Variants in MTRF1 observed in about 807,000 individuals in gnomAD.
The protein encoded by MTRF1 is mitochondrial translation release factor 1, also known as peptide chain release factor 1, mitochondrial.
In MTRF1, 51 loss-of-function variants were observed where a neutral mutation model predicts 62.9. The observed-to-expected ratio is 0.81, with a 90% CI of 0.65 to 1.02. The LOEUF (loss-of-function observed/expected upper bound fraction) is 1.02, where lower values mean the gene tolerates loss of function less well. Among genes scored for constraint, MTRF1 ranks in the 50% least tolerant of loss-of-function variants. The probability of loss-of-function intolerance (pLI) is 0.00; values close to 1 mark genes in which losing one functional copy is unlikely to be tolerated. For synonymous variants in MTRF1, 158 were observed against 181.9 expected, an observed-to-expected ratio of 0.87 and a Z score of 1.06; for missense variants, 446 against 530.0, an observed-to-expected ratio of 0.84 and a Z score of 1.56.
the MTRF1 span, among the ~76,000 whole-genome samples, chr13:41,290,502 C>G: frequency 6.6e-6 from 1 of 151,582 alleles, no homozygotes; most frequent in Non-Finnish European, 1.5e-5. Context: ...CTAAGCGATT[C>G]TCCTGCCTCA....
the MTRF1 span, among the ~76,000 whole-genome samples, chr13:41,306,002 A>G: frequency 6.6e-6 from 1 of 152,276 alleles, no homozygotes; most frequent in South Asian, 2.1e-4. Context: ...CTGGGAGGAG[A>G]GTAACTGATG....
chr13:41,296,158 C>A, the MTRF1 span, among the ~76,000 whole-genome samples: 190 of 152,288 alleles, frequency 1.2e-3, no homozygotes, highest in Admixed American at 2.4e-3. Context: ...GTTGCCCAAT[C>A]TGGCCTTGAA....
the MTRF1 span, among the ~76,000 whole-genome samples, chr13:41,305,201 C>A: frequency 8.5e-5 from 13 of 152,290 alleles, no homozygotes; most frequent in South Asian, 2.7e-3. Context: ...GGACTACAGG[C>A]ATATGCCACT....
chr13:41,268,330 G>A (rs1490403725), upstream of MTRF1, among the ~76,000 whole-genome samples: 1 of 152,014 alleles, frequency 6.6e-6, no homozygotes, highest in Non-Finnish European at 1.5e-5. Context: ...TATCTTAAAG[G>A]ATTAATTAGA....
the MTRF1 span, among the ~76,000 whole-genome samples, chr13:41,273,122 C>T: frequency 1.2e-4 from 18 of 151,802 alleles, no homozygotes; most frequent in South Asian, 4.2e-4. Context: ...GTCAGGAGAT[C>T]GAGACCATCC....
chr13:41,247,273 C>A (rs538993081), intron 5 of MTRF1, among the ~76,000 whole-genome samples: 27 of 152,278 alleles, frequency 1.8e-4, no homozygotes, highest in African/African-American at 6.5e-4. Flanking sequence ...TAAACTGTGA[C>A]AAAGGGCTAG....
chr13:41,254,662 C>T (rs1379596853), intron 2 of MTRF1, 42 bp from the exon 3 acceptor site: 4 of 1,485,144 alleles, frequency 2.7e-6, no homozygotes, highest in Non-Finnish European at 3.7e-6. Context: ...TTTTTAAATA[C>T]TTACAGAGAA....
chr13:41,251,683 A>G (rs2039076770), intron 5 of MTRF1, among the ~76,000 whole-genome samples: 1 of 152,098 alleles, frequency 6.6e-6, no homozygotes, highest in Non-Finnish European at 1.5e-5. Context: ...ACTTACATGA[A>G]TCCTCTCTCC....
the MTRF1 span, among the ~76,000 whole-genome samples, chr13:41,268,736 A>G: frequency 2.0e-5 from 3 of 152,228 alleles, no homozygotes; most frequent in Non-Finnish European, 4.4e-5. Context: ...AGATGCAATA[A>G]AAGTTGAACT....
At chr13:41,251,825 T>C (rs1467464718) in intron 5 of MTRF1, among the ~76,000 whole-genome samples, 1 of 152,196 alleles carries the variant, frequency 6.6e-6, no homozygotes, top group Non-Finnish European at 1.5e-5. Context: ...ATTATCATGT[T>C]TTCAATCAAT....
chr13:41,295,918 T>G, the MTRF1 span, among the ~76,000 whole-genome samples: 2 of 151,224 alleles, frequency 1.3e-5, no homozygotes, highest in South Asian at 4.2e-4. Context: ...GGACTACTGA[T>G]GCATGCCAGA....
chr13:41,296,662 A>T, the MTRF1 span, among the ~76,000 whole-genome samples: 1 of 152,166 alleles, frequency 6.6e-6, no homozygotes, highest in Non-Finnish European at 1.5e-5. Context: ...ATTAATAAAA[A>T]TATAATATTT....
the MTRF1 span, among the ~76,000 whole-genome samples, chr13:41,304,493 A>G: frequency 6.6e-6 from 1 of 152,224 alleles, no homozygotes; most frequent in Non-Finnish European, 1.5e-5. Flanking sequence ...TAGGTACTCA[A>G]CAATAAATAC....
chr13:41,228,852 A>T (rs1056087630), intron 7 of MTRF1, among the ~76,000 whole-genome samples: 1 of 152,240 alleles, frequency 6.6e-6, no homozygotes, highest in Non-Finnish European at 1.5e-5. Context: ...AGAATGAGCT[A>T]TATAGTTCTC....
At chr13:41,311,547 C>T in the MTRF1 span, 1 of 1,607,518 alleles carries the variant, frequency 6.2e-7, no homozygotes, top group South Asian at 1.1e-5. Context: ...CGTGCTGCTG[C>T]CGCCCAAGGA....
At chr13:41,282,062 C>T in the MTRF1 span, among the ~76,000 whole-genome samples, 2 of 150,620 alleles carry the variant, frequency 1.3e-5, no homozygotes, top group Non-Finnish European at 3.0e-5. Flanking sequence ...CACTTGAACC[C>T]GGGAGGCGGA....
chr13:41,237,399 A>G (rs2036822778), intron 6 of MTRF1, among the ~76,000 whole-genome samples: 1 of 152,076 alleles, frequency 6.6e-6, no homozygotes, highest in African/African-American at 2.4e-5. Context: ...CTAAAATGAA[A>G]TAAAAACAGA....
intron 6 of MTRF1, among the ~76,000 whole-genome samples, chr13:41,238,099 G>C (rs193241840): frequency 6.6e-6 from 1 of 152,248 alleles, no homozygotes; most frequent in African/African-American, 2.4e-5. Context: ...TATAGCCACT[G>C]AAAGAGTCTA....
At chr13:41,286,559 G>T in the MTRF1 span, among the ~76,000 whole-genome samples, 7 of 152,316 alleles carry the variant, frequency 4.6e-5, 1 homozygote, top group African/African-American at 1.7e-4. Context: ...TTTTACCCAT[G>T]ACATTTTTAT....
Sources: gnomAD v4.1 joint callset for allele counts (sites outside exome capture counted in the v4.1 genomes callset) on GRCh38, gnomAD v4.1.1 for gene constraint, MANE v1.5 for transcripts, NCBI Gene and HGNC (gene_info 2026-07-23, HGNC 2026-07-21) for gene names.